TADA2A: variants seen among roughly 807,000 people sequenced by gnomAD.
The protein encoded by TADA2A is transcriptional adaptor 2A, also known as transcriptional adapter 2-alpha.
Under a neutral mutation model 67.4 loss-of-function variants are expected in TADA2A, and 38 were observed. The observed-to-expected ratio is 0.56, with a 90% CI of 0.44 to 0.74. TADA2A has a LOEUF of 0.74. Among genes scored for constraint, TADA2A ranks in the 30% least tolerant of loss-of-function variants. The probability of loss-of-function intolerance (pLI) is 0.00; values close to 1 mark genes in which losing one functional copy is unlikely to be tolerated. For missense variants in TADA2A, 454 were observed against 547.0 expected, an observed-to-expected ratio of 0.83 and a Z score of 1.70; for synonymous variants, 192 against 181.6, an observed-to-expected ratio of 1.06 and a Z score of -0.46.
At chr17:37,422,481 GATTATT>G (rs60163170) in intron 2 of TADA2A, among the ~76,000 whole-genome samples, 2,218 of 136,970 alleles carry the variant, frequency 0.016, 39 homozygotes, top group African/African-American at 0.04. Flanking sequence ...ATGCCCAGCT[GATTATT>G]ATTATTATTA....
intron 8 of TADA2A, among the ~76,000 whole-genome samples, chr17:37,447,691 A>G (rs556728014): frequency 6.6e-6 from 1 of 152,324 alleles, no homozygotes; most frequent in Admixed American, 6.5e-5. Flanking sequence ...CATGCCACAG[A>G]GAGGTATTTT....
At chr17:37,468,021 G>C (rs1166188671) in intron 12 of TADA2A, among the ~76,000 whole-genome samples, 1 of 151,878 alleles carries the variant, frequency 6.6e-6, no homozygotes, top group African/African-American at 2.4e-5. Context: ...AGCAGTTGTT[G>C]TAGTGAGCCA....
intron 4 of TADA2A, 56 bp downstream of exon 4, chr17:37,427,065 A>G (rs1434935048): frequency 6.9e-7 from 1 of 1,449,654 alleles, no homozygotes; most frequent in African/African-American, 1.4e-5. Context: ...TTAGACTGGG[A>G]AGTAGTTTTT....
intron 2 of TADA2A, among the ~76,000 whole-genome samples, chr17:37,418,049 C>G (rs1365772831): frequency 6.6e-6 from 1 of 152,116 alleles, no homozygotes; most frequent in Non-Finnish European, 1.5e-5. Context: ...CAGAATGATT[C>G]AAGCGTGTCA....
chr17:37,448,700 C>G (rs1339762005), intron 8 of TADA2A, among the ~76,000 whole-genome samples: 5 of 152,072 alleles, frequency 3.3e-5, no homozygotes, highest in Non-Finnish European at 7.3e-5. Flanking sequence ...TCATTGTTGC[C>G]CCATAACCCA....
chr17:37,421,831 T>TATTATGAAAAGTTTTAA (rs145040794), intron 2 of TADA2A, among the ~76,000 whole-genome samples: 4 of 145,154 alleles, frequency 2.8e-5, no homozygotes, highest in African/African-American at 1.0e-4. Flanking sequence ...CCCAACTTTT[T>TATTATGAAAAGTTTTAA]ATAGAAAAGT....
intron 2 of TADA2A, among the ~76,000 whole-genome samples, chr17:37,422,522 T>C (rs2052276544): frequency 1.4e-5 from 2 of 145,570 alleles, no homozygotes. Flanking sequence ...ATTATTATTA[T>C]TTGAGGCAGG....
In TADA2A at chr17:37,477,174, G is replaced by T; in HGVS notation, c.*192G>T. 1 of 562,382 alleles carries T rather than the reference G, an allele frequency of 1.8e-6. No homozygotes were observed. 34.8% of individuals were successfully genotyped at this position (562,382 alleles called of 1,614,324 possible). A position where few individuals can be genotyped will look rare whatever the true frequency, so the allele number is the denominator to read the frequency against. On this transcript the variant is annotated 3_prime_UTR_variant, in exon 16 of 16. Transcript: ENST00000615182. ...CTGCTTTAAAACACTCCTGTTGTTG[G>T]TATTATGCTGCAGAGTTGTGTGCTA...
chr17:37,470,317 C>G, intron 12 of TADA2A, 83 bp from the exon 13 acceptor site: 1 of 1,553,706 alleles, frequency 6.4e-7, no homozygotes, highest in Non-Finnish European at 8.7e-7. Context: ...GAACAAAACC[C>G]AAAACCGGTT....
chr17:37,455,364 TTTTG>T (rs200179922), intron 8 of TADA2A, among the ~76,000 whole-genome samples: 2,701 of 83,654 alleles, frequency 0.032, 56 homozygotes, highest in African/African-American at 0.083. Flanking sequence ...AAGTTTGTTT[TTTTG>T]TTTGTTTGTT....
At chr17:37,432,601 A>G (rs1284473109) in intron 4 of TADA2A, among the ~76,000 whole-genome samples, 1 of 152,188 alleles carries the variant, frequency 6.6e-6, no homozygotes, top group African/African-American at 2.4e-5. Context: ...TCTCCCTTTG[A>G]TGGACACCTG....
intron 9 of TADA2A, among the ~76,000 whole-genome samples, chr17:37,460,222 TTTTTTATTTTA>T (rs2053515230): frequency 6.8e-6 from 1 of 148,016 alleles, no homozygotes; most frequent in African/African-American, 2.6e-5. Context: ...ACTGTTAGGC[TTTTTTATTTTA>T]TTTTTATTTT....
intron 4 of TADA2A, among the ~76,000 whole-genome samples, chr17:37,429,994 G>A (rs1464298926): frequency 6.6e-6 from 1 of 152,184 alleles, no homozygotes; most frequent in Non-Finnish European, 1.5e-5. Context: ...AAATTAATGC[G>A]AGAATACCTA....
chr17:37,469,463 G>A (rs920660883), intron 12 of TADA2A, among the ~76,000 whole-genome samples: 42 of 151,738 alleles, frequency 2.8e-4, no homozygotes, highest in Admixed American at 5.9e-4. Flanking sequence ...GAGAAACCCC[G>A]TGTCTACTAA....
chr17:37,412,815 C>G (rs765929033), intron 2 of TADA2A, among the ~76,000 whole-genome samples: 3 of 151,644 alleles, frequency 2.0e-5, no homozygotes, highest in East Asian at 3.9e-4. Flanking sequence ...CTCTTTTTCC[C>G]TGATTCTGAA....
chr17:37,470,883 T>C (rs1237332635), intron 13 of TADA2A, among the ~76,000 whole-genome samples: 1 of 152,134 alleles, frequency 6.6e-6, no homozygotes, highest in East Asian at 1.9e-4. Context: ...GATTACAAGC[T>C]CTTCTTAACA....
chr17:37,435,720 C>T (rs959198044), intron 4 of TADA2A, among the ~76,000 whole-genome samples: 1 of 152,154 alleles, frequency 6.6e-6, no homozygotes, highest in African/African-American at 2.4e-5. Flanking sequence ...GCTGGAACCA[C>T]AGGTGCGCGC....
intron 9 of TADA2A, 47 bp downstream of exon 9, chr17:37,458,634 G>GTTTTTT: frequency 1.6e-6 from 2 of 1,267,274 alleles, no homozygotes; most frequent in South Asian, 2.6e-5. Flanking sequence ...TTGGATTATT[G>GTTTTTT]TTTTGTGTGT....
intron 7 of TADA2A, among the ~76,000 whole-genome samples, chr17:37,443,978 T>G (rs1230363197): frequency 6.6e-6 from 1 of 152,140 alleles, no homozygotes; most frequent in South Asian, 2.1e-4. Flanking sequence ...AGCTTACACC[T>G]GTAAATCCCA....
Sources: allele counts gnomAD v4.1 joint callset (sites outside exome capture counted in the v4.1 genomes callset), GRCh38; gene constraint gnomAD v4.1.1; transcripts MANE v1.5; gene names NCBI Gene and HGNC (gene_info 2026-07-23, HGNC 2026-07-21).